CADM2: variants seen among roughly 807,000 people sequenced by gnomAD.
The protein encoded by CADM2 is immunoglobulin superfamily member 4D.
A neutral mutation model predicts 49.8 loss-of-function variants in CADM2; 12 were observed. That is an observed-to-expected ratio of 0.24 (90% CI 0.15 to 0.39). CADM2 has a LOEUF of 0.39. Ranked by LOEUF, CADM2 falls within the 10% of genes least tolerant of loss-of-function variation. CADM2 has a pLI of 1.00. For missense variants in CADM2, 378 were observed against 492.3 expected, an observed-to-expected ratio of 0.77 and a Z score of 2.20; for synonymous variants, 214 against 175.4, an observed-to-expected ratio of 1.22 and a Z score of -1.74.
chr3:86,047,258 C>A (rs1381310103), intron 8 of CADM2, among the ~76,000 whole-genome samples: 1 of 152,050 alleles, frequency 6.6e-6, no homozygotes, highest in Non-Finnish European at 1.5e-5. Context: ...CTGTTTAAGT[C>A]AAGTAATCCC....
intron 1 of CADM2, among the ~76,000 whole-genome samples, chr3:85,351,591 A>C (rs918947956): frequency 2.0e-5 from 3 of 152,120 alleles, no homozygotes; most frequent in Non-Finnish European, 4.4e-5. Context: ...TGCCTGCATA[A>C]GACCTGACAA....
intron 1 of CADM2, among the ~76,000 whole-genome samples, chr3:85,695,307 A>G (rs2066516285): frequency 2.0e-5 from 3 of 152,078 alleles, no homozygotes; most frequent in African/African-American, 7.2e-5. Flanking sequence ...TGTACCCAAT[A>G]GGTGATTTTC....
At chr3:85,673,082 C>G (rs1017338742) in intron 1 of CADM2, among the ~76,000 whole-genome samples, 4 of 152,144 alleles carry the variant, frequency 2.6e-5, no homozygotes, top group South Asian at 2.1e-4. Context: ...TAAAGAATGT[C>G]AGGTAAATGG....
intron 1 of CADM2, among the ~76,000 whole-genome samples, chr3:85,140,869 C>A (rs934654665): frequency 1.1e-4 from 16 of 152,128 alleles, no homozygotes; most frequent in African/African-American, 3.9e-4. Flanking sequence ...TGATTATAGA[C>A]TTTGGTTATC....
At chr3:84,993,270 C>G (rs958578720) in intron 1 of CADM2, among the ~76,000 whole-genome samples, 1 of 152,034 alleles carries the variant, frequency 6.6e-6, no homozygotes, top group Non-Finnish European at 1.5e-5. Context: ...TGCATAGCTA[C>G]TATAGCCCAT....
At position 85,561,695 on chromosome 3, in the gene CADM2, G is replaced by A. The variant is rs560187366; in HGVS notation, c.62-164827G>A. ...TGCTCTAGGCATTGAGGATGTGGCC[G>A]TGAACAAAAACATCTGTTCATATGT... On this transcript the variant is annotated intron_variant, in intron 1 of 9. Transcript: ENST00000383699. 3.9e-5 allele frequency among the ~76,000 whole-genome samples: 6 copies of A among 152,224 alleles called. No homozygotes were observed. In the East Asian group the frequency reaches 5.8e-4, roughly 15 times the overall value.
At chr3:85,977,961 T>C (rs992849692) in intron 8 of CADM2, among the ~76,000 whole-genome samples, 4 of 151,598 alleles carry the variant, frequency 2.6e-5, no homozygotes, top group African/African-American at 9.7e-5. Context: ...AGTAAAGTAC[T>C]AGAAAATGTT....
At chr3:85,728,381 C>A (rs1298569858) in intron 2 of CADM2, among the ~76,000 whole-genome samples, 2 of 152,224 alleles carry the variant, frequency 1.3e-5, no homozygotes, top group East Asian at 3.9e-4. Flanking sequence ...ACAAGGCAAG[C>A]AATGACACGT....
intron 1 of CADM2, among the ~76,000 whole-genome samples, chr3:85,070,208 C>T (rs1575805585): frequency 6.6e-6 from 1 of 151,962 alleles, no homozygotes; most frequent in Non-Finnish European, 1.5e-5. Context: ...TTAAGAGATG[C>T]CCTTTATCTC....
At chr3:85,398,291 A>G (rs2034900418) in intron 1 of CADM2, among the ~76,000 whole-genome samples, 1 of 151,866 alleles carries the variant, frequency 6.6e-6, no homozygotes, top group Admixed American at 6.6e-5. Context: ...TTTGCTGACA[A>G]TGATGGTTTC....
At chr3:85,621,109 G>A (rs1022236949) in intron 1 of CADM2, among the ~76,000 whole-genome samples, 1 of 152,090 alleles carries the variant, frequency 6.6e-6, no homozygotes, top group South Asian at 2.1e-4. Context: ...ATATACCAAT[G>A]CAAGAAAATG....
chr3:86,006,360 G>A (rs1040739888), intron 8 of CADM2, among the ~76,000 whole-genome samples: 3 of 152,176 alleles, frequency 2.0e-5, no homozygotes, highest in African/African-American at 7.2e-5. Context: ...CAGGATCTGG[G>A]CAGAGAGAGT....
In CADM2 at chr3:85,043,715, G is replaced by T. The variant is rs115898371; in HGVS notation, c.61+84047G>T. On this transcript the variant is annotated intron_variant, in intron 1 of 9. Coordinates refer to ENST00000383699, the MANE Select transcript of CADM2 (RefSeq NM_001167675.2). ...ATAAATAAAAGGTCTGACAACTTCAGGCACCATATGTTTCTCCTTAAGTCC... is the reference window on the plus strand; with the variant it reads ...ATAAATAAAAGGTCTGACAACTTCATGCACCATATGTTTCTCCTTAAGTCC... Among the ~76,000 whole-genome samples the T allele has an allele frequency of 8.5e-3, 1,298 of 151,894 alleles. 27 individuals are homozygous for T. The highest frequency in any genetic ancestry group is 0.03 in the African/African-American group (1,239 of 41,420).
At chr3:85,458,924 T>G (rs148657434) in intron 1 of CADM2, among the ~76,000 whole-genome samples, 20 of 152,326 alleles carry the variant, frequency 1.3e-4, no homozygotes, top group African/African-American at 4.8e-4. Context: ...ACATTGCTTT[T>G]GTGATGAATC....
chr3:85,798,807 G>A (rs1277374069), intron 2 of CADM2, among the ~76,000 whole-genome samples: 1 of 152,134 alleles, frequency 6.6e-6, no homozygotes, highest in Non-Finnish European at 1.5e-5. Context: ...ATTCTGTGAA[G>A]CAAGTCAATG....
intron 1 of CADM2, among the ~76,000 whole-genome samples, chr3:85,319,249 C>A (rs956576559): frequency 6.6e-6 from 1 of 152,044 alleles, no homozygotes; most frequent in African/African-American, 2.4e-5. Context: ...CAATGAAATA[C>A]CATCTCAACA....
intron 8 of CADM2, among the ~76,000 whole-genome samples, chr3:86,019,021 T>C (rs1732736657): frequency 8.9e-6 from 1 of 112,000 alleles, no homozygotes; most frequent in South Asian, 3.4e-4. Context: ...GTCTAACGTT[T>C]AAGTCTTTAA....
intron 1 of CADM2, among the ~76,000 whole-genome samples, chr3:85,115,991 A>C (rs1237824859): frequency 6.6e-6 from 1 of 152,204 alleles, no homozygotes; most frequent in Non-Finnish European, 1.5e-5. Flanking sequence ...CTTCATTAGC[A>C]ATAGGACTCA....
chr3:84,959,323 C>G lies in CADM2; in HGVS notation c.-285C>G, dbSNP rs1210792371. 1 of 539,182 alleles carries G rather than the reference C, an allele frequency of 1.9e-6. No individual in the cohort carries two copies. Among genetic ancestry groups the G allele is most frequent in the African/African-American group, 1.9e-5 (1 of 51,516 alleles). The allele number at this position is 539,182 out of a possible 1,614,324, so 33.4% of individuals were successfully genotyped here. A position where few individuals can be genotyped will look rare whatever the true frequency, so the allele number is the denominator to read the frequency against. On this transcript the variant is annotated 5_prime_UTR_variant, in exon 1 of 10. Transcript: ENST00000383699. ...CTTGCTGTGCGCGCCGAGAGGAAGG[C>G]AAGCTCCAAACCCCTGCCTGGAAGA...
Sources: allele counts gnomAD v4.1 joint callset (sites outside exome capture counted in the v4.1 genomes callset), GRCh38; gene constraint gnomAD v4.1.1; transcripts MANE v1.5; gene names NCBI Gene and HGNC (gene_info 2026-07-23, HGNC 2026-07-21).